ABCB1: variants seen among roughly 807,000 people sequenced by gnomAD.
ABCB1 encodes ATP binding cassette subfamily B member 1.
A neutral mutation model predicts 142.0 loss-of-function variants in ABCB1; 69 were observed. The observed-to-expected ratio is 0.49, with a 90% CI of 0.40 to 0.59. ABCB1 has a LOEUF of 0.59. Ranked by LOEUF, ABCB1 falls within the 20% of genes least tolerant of loss-of-function variation. The probability of loss-of-function intolerance (pLI) is 0.00; values close to 1 mark genes in which losing one functional copy is unlikely to be tolerated. For synonymous variants in ABCB1, 532 were observed against 539.2 expected (o/e 0.99, Z 0.18); for missense variants, 1,326 against 1,554.7 (o/e 0.85, Z 2.47).
chr7:87,541,063 T>TC (rs1816511258), intron 18 of ABCB1, among the ~76,000 whole-genome samples: 2 of 152,088 alleles, frequency 1.3e-5, no homozygotes, highest in Admixed American at 6.6e-5. Flanking sequence ...CATCCAGGGC[T>TC]CCCCCACACC....
chr7:87,580,912 C>T (rs931057475), intron 4 of ABCB1, among the ~76,000 whole-genome samples: 3 of 151,890 alleles, frequency 2.0e-5, no homozygotes, highest in Non-Finnish European at 4.4e-5. Flanking sequence ...ACTCTCTTTC[C>T]TACCTTCTTC....
At chr7:87,613,130 C>A (rs1421958637) in intron 1 of ABCB1, among the ~76,000 whole-genome samples, 1 of 150,764 alleles carries the variant, frequency 6.6e-6, no homozygotes, top group East Asian at 2.0e-4. Flanking sequence ...TAACCTGAGA[C>A]TTTACTAAAC....
At chr7:87,674,248 A>G (rs1826103296) in intron 1 of ABCB1, among the ~76,000 whole-genome samples, 2 of 152,160 alleles carry the variant, frequency 1.3e-5, no homozygotes, top group Admixed American at 6.5e-5. Context: ...GCAGGGTACC[A>G]GTGGAAGCGA....
intron 1 of ABCB1, among the ~76,000 whole-genome samples, chr7:87,654,899 CAAAT>C: frequency 6.6e-6 from 1 of 152,158 alleles, no homozygotes; most frequent in East Asian, 1.9e-4. Context: ...TAGACATTCT[CAAAT>C]AAGACATTCA....
intron 1 of ABCB1, among the ~76,000 whole-genome samples, chr7:87,680,993 A>G (rs1470434393): frequency 6.6e-6 from 1 of 150,522 alleles, no homozygotes; most frequent in African/African-American, 2.5e-5. Context: ...TAGGCTGATC[A>G]AGAAAATGAG....
At chr7:87,654,415 A>G (rs533524362) in intron 1 of ABCB1, among the ~76,000 whole-genome samples, 1 of 152,252 alleles carries the variant, frequency 6.6e-6, no homozygotes, top group African/African-American at 2.4e-5. Flanking sequence ...TAGAGAACCC[A>G]CAAATAAATC....
At chr7:87,678,503 GAACATTAA>G (rs1826602683) in intron 1 of ABCB1, among the ~76,000 whole-genome samples, 1 of 151,910 alleles carries the variant, frequency 6.6e-6, no homozygotes, top group African/African-American at 2.4e-5. Context: ...AATTAAAATG[GAACATTAA>G]AACATTAAAG....
chr7:87,549,276 T>G, intron 14 of ABCB1, 72 bp downstream of exon 14: 1 of 1,589,630 alleles, frequency 6.3e-7, no homozygotes, highest in Admixed American at 1.7e-5. Flanking sequence ...CTAAGACCAA[T>G]ATTAACAAGA....
chr7:87,650,062 T>C (rs930306002), intron 1 of ABCB1, among the ~76,000 whole-genome samples: 2 of 152,188 alleles, frequency 1.3e-5, no homozygotes, highest in Admixed American at 1.3e-4. Context: ...TACAGACGTA[T>C]TCTTCTCATT....
chr7:87,660,232 G>A (rs1263451767), intron 1 of ABCB1, among the ~76,000 whole-genome samples: 4 of 152,078 alleles, frequency 2.6e-5, no homozygotes, highest in African/African-American at 9.7e-5. Context: ...TGGTGAGTGT[G>A]AGTGAGTGTA....
intron 2 of ABCB1, among the ~76,000 whole-genome samples, chr7:87,599,365 C>A (rs1418118949): frequency 6.6e-6 from 1 of 152,060 alleles, no homozygotes; most frequent in Non-Finnish European, 1.5e-5. Flanking sequence ...AGTTAACAAC[C>A]TAAATGTACT....
intron 21 of ABCB1, among the ~76,000 whole-genome samples, chr7:87,530,546 T>C (rs1484414650): frequency 6.6e-6 from 1 of 150,444 alleles, no homozygotes; most frequent in African/African-American, 2.5e-5. Context: ...AAGCATTTGT[T>C]AAATAATGGG....
intron 1 of ABCB1, among the ~76,000 whole-genome samples, chr7:87,628,113 C>A (rs1820784059): frequency 6.6e-6 from 1 of 152,192 alleles, no homozygotes; most frequent in Non-Finnish European, 1.5e-5. Context: ...TAAAGCTTGG[C>A]TACAGGCAAG....
intron 3 of ABCB1, among the ~76,000 whole-genome samples, chr7:87,593,418 T>G (rs1819075084): frequency 6.6e-6 from 1 of 152,240 alleles, no homozygotes. Flanking sequence ...CATCACTTTT[T>G]TAAGATTGCT....
Position 87,504,440 on chromosome 7 carries a change from C to T in ABCB1, c.3646G>A (p.Glu1216Lys), listed in dbSNP as rs140995435. 6.2e-7 allele frequency: 1 copy of T among 1,614,084 alleles called. No individual in the cohort carries two copies. The highest frequency in any genetic ancestry group is 1.7e-5 in the Admixed American group (1 of 60,024). ...LDTESEKVVQ[E>K]ALDKAREGRT... ...CCTTCTCTGGCTTTGTCCAGGGCTT[C>T]TTGGACAACCTATTCCATAATCACA... The change falls in exon 28 of 28, where the codon GAA (glutamate) becomes AAA (lysine). Residue 1216 changes from glutamate to lysine, a missense_variant. Physicochemically the swap from Glu to Lys is moderately conservative, Grantham distance 56 (BLOSUM62 1). Transcript: ENST00000622132.
chr7:87,542,343 T>C (rs4728700), intron 17 of ABCB1, among the ~76,000 whole-genome samples: 87,557 of 152,046 alleles, frequency 0.58, 25,772 homozygotes, highest in African/African-American at 0.69. Context: ...TCCTGGCAAC[T>C]ATCTCCAGAA....
rs773413194 is a variant in ABCB1 at position 87,550,826 on chromosome 7, C to T, written c.1012G>A (p.Val338Ile). 6 of 1,609,380 alleles carry T rather than the reference C, an allele frequency of 3.7e-6. No homozygotes were observed. The highest frequency in any genetic ancestry group is 1.3e-5 in the African/African-American group (1 of 74,942). Residue 338 changes from valine to isoleucine, a missense_variant, in exon 10 of 28, where the codon GTA (valine) becomes ATA (isoleucine). Val to Ile is a conservative substitution (Grantham distance 29). Transcript: ENST00000622132. ...CCAACACTAAAAGCCCCAATTAATA[C>T]AGAAAAGAATACCTGAGGAATGTGA... Reference protein sequence around the residue: ...IGQVLTVFFSVLIGAFSVGQA... With the variant: ...IGQVLTVFFSILIGAFSVGQA...
chr7:87,647,760 ACAT>A (rs145595679), intron 1 of ABCB1, among the ~76,000 whole-genome samples: 4,742 of 152,308 alleles, frequency 0.031, 72 homozygotes, highest in Middle Eastern at 0.048. Flanking sequence ...TAACAAATAC[ACAT>A]CATGATCAGA....
At chr7:87,596,578 C>T (rs974222895) in intron 2 of ABCB1, among the ~76,000 whole-genome samples, 8 of 151,990 alleles carry the variant, frequency 5.3e-5, no homozygotes, top group African/African-American at 1.9e-4. Context: ...GAAAGCAAAC[C>T]AACCGTAACA....
Sources: allele counts gnomAD v4.1 joint callset (sites outside exome capture counted in the v4.1 genomes callset), GRCh38; gene constraint gnomAD v4.1.1; transcripts MANE v1.5; gene names NCBI Gene and HGNC (gene_info 2026-07-23, HGNC 2026-07-21).